Variants in RALYL observed in about 807,000 individuals in gnomAD.
RALYL encodes RALY RNA binding protein like.
In RALYL, 29 loss-of-function variants were observed where a neutral mutation model predicts 35.1. That is an observed-to-expected ratio of 0.83 (90% CI 0.61 to 1.13). The LOEUF (loss-of-function observed/expected upper bound fraction) is 1.13, where lower values mean the gene tolerates loss of function less well. Ranked by LOEUF, RALYL falls within the 50% of genes most tolerant of loss-of-function variation. RALYL has a pLI of 0.00. For missense variants in RALYL, 359 were observed against 360.4 expected (o/e 1.00, Z 0.03); for synonymous variants, 120 against 127.6 (o/e 0.94, Z 0.40).
intron 2 of RALYL, among the ~76,000 whole-genome samples, chr8:84,669,504 T>G: frequency 2.4e-5 from 1 of 41,842 alleles, no homozygotes; most frequent in Non-Finnish European, 4.1e-5. Flanking sequence ...CCCCCCACTC[T>G]ATTAGTTCAC....
intron 2 of RALYL, among the ~76,000 whole-genome samples, chr8:84,534,821 G>C (rs78240878): frequency 1.3e-5 from 2 of 152,168 alleles, no homozygotes; most frequent in African/African-American, 4.8e-5. Context: ...AGCTTGCTAA[G>C]GAGACTAGGT....
intron 4 of RALYL, among the ~76,000 whole-genome samples, chr8:84,839,440 C>T (rs775331853): frequency 6.6e-6 from 1 of 152,220 alleles, no homozygotes; most frequent in African/African-American, 2.4e-5. Context: ...CGCCATTGCC[C>T]AGGCTTCAGT....
rs371961240 is a variant in RALYL, at chr8:84,194,086, G to A, written c.-24+9662G>A. 3.0e-4 allele frequency among the ~76,000 whole-genome samples: 46 copies of A among 152,310 alleles called. No individual in the cohort carries two copies. In the East Asian group the frequency reaches 3.7e-3, roughly 12 times the overall value. ...CAGAAAAGACTATTGTATTTCTAGCGTTTGACAGTGGAACATCGTCAAATG... is the reference window on the plus strand; with the variant it reads ...CAGAAAAGACTATTGTATTTCTAGCATTTGACAGTGGAACATCGTCAAATG... On this transcript the variant is annotated intron_variant, in intron 1 of 8. Coordinates refer to ENST00000521268, the MANE Select transcript of RALYL (RefSeq NM_173848.7).
chr8:84,425,020 C>G (rs2046190198), intron 1 of RALYL, among the ~76,000 whole-genome samples: 1 of 152,104 alleles, frequency 6.6e-6, no homozygotes, highest in Admixed American at 6.5e-5. Flanking sequence ...TGTGCCCTGC[C>G]CCCAGAGGTG....
intron 2 of RALYL, among the ~76,000 whole-genome samples, chr8:84,581,131 C>A (rs1255226006): frequency 2.0e-5 from 3 of 152,146 alleles, no homozygotes; most frequent in Non-Finnish European, 4.4e-5. Context: ...GCAAATATGA[C>A]CAAAGTTGCA....
At chr8:84,892,195 A>G (rs113026475) in intron 8 of RALYL, among the ~76,000 whole-genome samples, 34 of 152,332 alleles carry the variant, frequency 2.2e-4, no homozygotes, top group African/African-American at 7.9e-4. Flanking sequence ...GGAATCTATC[A>G]TGTGTGCACC....
At chr8:84,732,100 T>A (rs1460296280) in intron 2 of RALYL, among the ~76,000 whole-genome samples, 1 of 152,206 alleles carries the variant, frequency 6.6e-6, no homozygotes, top group Non-Finnish European at 1.5e-5. Flanking sequence ...CTTATGGCTC[T>A]GTGCTTTTCC....
At chr8:84,727,004 G>C (rs1242082667) in intron 2 of RALYL, among the ~76,000 whole-genome samples, 3 of 152,012 alleles carry the variant, frequency 2.0e-5, no homozygotes, top group Admixed American at 6.6e-5. Context: ...AATGGAAGTG[G>C]AGAATAAAGT....
At chr8:84,194,780 AC>A (rs1475758740) in intron 1 of RALYL, among the ~76,000 whole-genome samples, 3 of 152,188 alleles carry the variant, frequency 2.0e-5, no homozygotes, top group Non-Finnish European at 4.4e-5. Context: ...CATCTTTGCA[AC>A]ACTAGGAGAG....
chr8:84,254,416 T>C (rs1028809872), intron 1 of RALYL, among the ~76,000 whole-genome samples: 5 of 152,098 alleles, frequency 3.3e-5, no homozygotes, highest in African/African-American at 1.2e-4. Flanking sequence ...AGATGAAATT[T>C]TGTCTCCTTG....
At chr8:84,492,475 G>A (rs1381159507) in intron 1 of RALYL, among the ~76,000 whole-genome samples, 1 of 152,000 alleles carries the variant, frequency 6.6e-6, no homozygotes. Context: ...AAACTCCTTT[G>A]CTTAGCCTTC....
intron 7 of RALYL, among the ~76,000 whole-genome samples, chr8:84,878,362 G>A (rs905355619): frequency 1.3e-5 from 2 of 152,118 alleles, no homozygotes; most frequent in African/African-American, 2.4e-5. Flanking sequence ...GAGAACATGA[G>A]CAGCCCAAGA....
intron 1 of RALYL, among the ~76,000 whole-genome samples, chr8:84,442,591 C>T (rs1224643572): frequency 6.6e-6 from 1 of 152,082 alleles, no homozygotes; most frequent in Non-Finnish European, 1.5e-5. Context: ...GAAGGAGAGA[C>T]AGATGTTGAG....
intron 2 of RALYL, among the ~76,000 whole-genome samples, chr8:84,627,274 T>C (rs1330157928): frequency 6.6e-6 from 1 of 151,578 alleles, no homozygotes; most frequent in Non-Finnish European, 1.5e-5. Context: ...GAATGATCTC[T>C]CTCTTAGACC....
intron 2 of RALYL, among the ~76,000 whole-genome samples, chr8:84,627,910 T>C (rs1250123735): frequency 6.6e-6 from 1 of 152,120 alleles, no homozygotes; most frequent in Non-Finnish European, 1.5e-5. Flanking sequence ...TCATGTCTAT[T>C]TCCATTGTCA....
chr8:84,241,938 T>C (rs965790034), intron 1 of RALYL, among the ~76,000 whole-genome samples: 8 of 152,110 alleles, frequency 5.3e-5, no homozygotes, highest in Admixed American at 4.6e-4. Flanking sequence ...GTTGCACAGA[T>C]AAACCCATCA....
chr8:84,229,742 C>T (rs1014347094), intron 1 of RALYL, among the ~76,000 whole-genome samples: 1 of 151,952 alleles, frequency 6.6e-6, no homozygotes, highest in Non-Finnish European at 1.5e-5. Context: ...TAGAAGTAAC[C>T]TTGAGGTACT....
chr8:84,671,754 A>G (rs890085177), intron 2 of RALYL, among the ~76,000 whole-genome samples: 1 of 152,160 alleles, frequency 6.6e-6, no homozygotes, highest in Non-Finnish European at 1.5e-5. Flanking sequence ...CCAGCCCACG[A>G]AACCATTTTT....
intron 1 of RALYL, among the ~76,000 whole-genome samples, chr8:84,409,186 A>G (rs2043855107): frequency 6.6e-6 from 1 of 152,122 alleles, no homozygotes; most frequent in Admixed American, 6.6e-5. Flanking sequence ...AAAGTATGCT[A>G]AATGTTTATC....
Sources: allele counts gnomAD v4.1 joint callset (sites outside exome capture counted in the v4.1 genomes callset), GRCh38; gene constraint gnomAD v4.1.1; transcripts MANE v1.5; gene names NCBI Gene and HGNC (gene_info 2026-07-23, HGNC 2026-07-21).